The following AAK1 variants were observed in gnomAD, a reference collection of about 807,000 sequenced individuals.
The protein encoded by AAK1 is AP2-associated protein kinase 1.
Under a neutral mutation model 116.0 loss-of-function variants are expected in AAK1, and 37 were observed. That is an observed-to-expected ratio of 0.32 (90% CI 0.25 to 0.42). The LOEUF is 0.42. Among genes scored for constraint, AAK1 ranks in the 10% least tolerant of loss-of-function variants. The pLI, the probability that AAK1 is intolerant of heterozygous loss-of-function variation, is 1.00. For missense variants in AAK1, 919 were observed against 1,170.6 expected (o/e 0.79, Z 3.14); for synonymous variants, 458 against 439.9 (o/e 1.04, Z -0.51).
At chr2:69,618,604 G>A (rs1003805613) in intron 2 of AAK1, among the ~76,000 whole-genome samples, 2 of 152,074 alleles carry the variant, frequency 1.3e-5, no homozygotes, top group African/African-American at 2.4e-5. Flanking sequence ...ATGCCACGTG[G>A]CTACACTGGC....
Position 69,467,789 on chromosome 2 carries a change from G to A in AAK1, c.*8080C>T, listed in dbSNP as rs1233803236. The A allele has an allele frequency of 2.0e-6, 2 of 985,196 alleles. No individual in the cohort carries two copies. Among genetic ancestry groups the A allele is most frequent in the Non-Finnish European group, 1.2e-6 (1 of 829,908 alleles). 61.0% of individuals were successfully genotyped at this position (985,196 alleles called of 1,614,324 possible). A position where few individuals can be genotyped will look rare whatever the true frequency, so the allele number is the denominator to read the frequency against. ...AAGCACACAGACCACAGCAGAAGAG[G>A]CATTAAAATCAGTTTATTGGGAAAC... On this transcript the variant is annotated 3_prime_UTR_variant, in exon 22 of 22. Coordinates refer to ENST00000409085, the MANE Select transcript of AAK1 (RefSeq NM_014911.5).
At chr2:69,587,170 G>A (rs1260101104) in intron 2 of AAK1, among the ~76,000 whole-genome samples, 6 of 148,804 alleles carry the variant, frequency 4.0e-5, no homozygotes, top group African/African-American at 7.5e-5. Context: ...CTGCAGCCTC[G>A]ACCTCCTGGG....
At chr2:69,615,337 C>A (rs1168066179) in intron 2 of AAK1, among the ~76,000 whole-genome samples, 1 of 152,164 alleles carries the variant, frequency 6.6e-6, no homozygotes, top group Non-Finnish European at 1.5e-5. Context: ...ATGAGAGACA[C>A]AGAGGATGGG....
intron 3 of AAK1, among the ~76,000 whole-genome samples, chr2:69,546,098 C>CT (rs1057245012): frequency 0.055 from 8,127 of 147,792 alleles, 752 homozygotes; most frequent in African/African-American, 0.19. Flanking sequence ...CTTAGGGTAA[C>CT]TTTTTTTTTT....
chr2:69,608,944 T>C (rs1335221447), intron 2 of AAK1, among the ~76,000 whole-genome samples: 1 of 152,138 alleles, frequency 6.6e-6, no homozygotes, highest in East Asian at 1.9e-4. Context: ...CCGAAAATGA[T>C]AAAACAATGC....
At chr2:69,535,272 C>A (rs759368823) in intron 5 of AAK1, among the ~76,000 whole-genome samples, 10 of 152,228 alleles carry the variant, frequency 6.6e-5, no homozygotes, top group Non-Finnish European at 1.3e-4. Context: ...ATACCCTACT[C>A]ATCCTGATGT....
At chr2:69,526,172 G>C (rs758490164) in intron 9 of AAK1, among the ~76,000 whole-genome samples, 1 of 152,180 alleles carries the variant, frequency 6.6e-6, no homozygotes, top group African/African-American at 2.4e-5. Context: ...GGTCCCCCAG[G>C]AATCAGGTGT....
At chr2:69,560,681 C>T (rs992740024) in intron 2 of AAK1, among the ~76,000 whole-genome samples, 1 of 152,074 alleles carries the variant, frequency 6.6e-6, no homozygotes, top group African/African-American at 2.4e-5. Context: ...ACGTTTTCTC[C>T]CATTTTCCCT....
chr2:69,500,664 AATATATATATAT>A (rs34635707), intron 16 of AAK1, among the ~76,000 whole-genome samples: 56 of 60,840 alleles, frequency 9.2e-4, no homozygotes, highest in African/African-American at 1.7e-3. Flanking sequence ...AGTCCCTTAA[AATATATATATAT>A]ATATATATAT....
intron 15 of AAK1, among the ~76,000 whole-genome samples, chr2:69,506,574 A>G (rs1179716041): frequency 6.6e-6 from 1 of 152,210 alleles, no homozygotes; most frequent in Non-Finnish European, 1.5e-5. Flanking sequence ...CATGTTGCCC[A>G]GGCTGGTCTT....
At chr2:69,592,463 C>T (rs1008670836) in intron 2 of AAK1, among the ~76,000 whole-genome samples, 2 of 152,168 alleles carry the variant, frequency 1.3e-5, no homozygotes, top group Non-Finnish European at 2.9e-5. Flanking sequence ...AAAATGTTTG[C>T]AACTTCTGAC....
In AAK1 at chr2:69,595,014, C is replaced by G. The variant is rs1448585909; in HGVS notation, c.164-38036G>C. The G allele has an allele frequency of 6.6e-6, 5 of 756,060 alleles. No individual in the cohort carries two copies. In the East Asian group the frequency reaches 1.2e-4, roughly 19 times the overall value. 46.8% of individuals were successfully genotyped at this position (756,060 alleles called of 1,614,324 possible). On this transcript the variant is annotated intron_variant, in intron 2 of 21. Coordinates refer to ENST00000409085, the MANE Select transcript of AAK1 (RefSeq NM_014911.5). ...GTCACTTTGTGGGGTTGGTGCTTGC[C>G]ACACTTCTGACACAAGTCCAGCGGG...
At chr2:69,485,405 C>G (rs548573302) in intron 17 of AAK1, among the ~76,000 whole-genome samples, 15 of 152,210 alleles carry the variant, frequency 9.9e-5, no homozygotes, top group Admixed American at 5.9e-4. Flanking sequence ...ATGGAGATGC[C>G]TCCCCCTACT....
rs1674826731 is a variant in AAK1, at chr2:69,475,637, T to C, written c.*232A>G. 1 of 1,324,770 alleles carries C rather than the reference T, an allele frequency of 7.5e-7. No homozygotes were observed. The highest frequency in any genetic ancestry group is 9.7e-7 in the Non-Finnish European group (1 of 1,035,374). 82.1% of individuals were successfully genotyped at this position (1,324,770 alleles called of 1,614,324 possible). ...AGATAATGCTATTGAAGAAGGGTAA[T>C]GAGAAAACACAGCAAACTAACAAGG... On this transcript the variant is annotated 3_prime_UTR_variant, in exon 22 of 22. Transcript: ENST00000409085.
intron 16 of AAK1, among the ~76,000 whole-genome samples, chr2:69,502,424 C>G (rs1676013508): frequency 6.6e-6 from 1 of 151,884 alleles, no homozygotes; most frequent in Non-Finnish European, 1.5e-5. Context: ...GAGTTCAAGA[C>G]CAGCCTGACC....
At chr2:69,558,130 C>T (rs1035656193) in intron 2 of AAK1, among the ~76,000 whole-genome samples, 1 of 152,046 alleles carries the variant, frequency 6.6e-6, no homozygotes, top group Admixed American at 6.6e-5. Flanking sequence ...ATCGCTTGAG[C>T]TCAGGAGTTC....
chr2:69,538,135 A>T (rs540570179), intron 5 of AAK1, among the ~76,000 whole-genome samples: 4 of 152,256 alleles, frequency 2.6e-5, no homozygotes, highest in Non-Finnish European at 5.9e-5. Flanking sequence ...CAGATGGTTG[A>T]ATCTGCAGAT....
At chr2:69,486,376 G>C (rs1307474138) in intron 17 of AAK1, among the ~76,000 whole-genome samples, 3 of 152,158 alleles carry the variant, frequency 2.0e-5, no homozygotes, top group Non-Finnish European at 4.4e-5. Context: ...GCCTGATTTA[G>C]GGGGGCTTAT....
At chr2:69,517,147 G>T (rs1019617785) in intron 12 of AAK1, 1 of 152,082 alleles carries the variant, frequency 6.6e-6, no homozygotes, top group Admixed American at 6.5e-5. Flanking sequence ...AAACAAAAAC[G>T]TCACTGTTCA....
Sources: allele counts gnomAD v4.1 joint callset (sites outside exome capture counted in the v4.1 genomes callset), GRCh38; gene constraint gnomAD v4.1.1; transcripts MANE v1.5; gene names NCBI Gene and HGNC (gene_info 2026-07-23, HGNC 2026-07-21).